The following SLC24A3 variants were observed in gnomAD, a reference collection of about 807,000 sequenced individuals.
SLC24A3 encodes solute carrier family 24 member 3.
SLC24A3 carries 28 observed loss-of-function variants against 75.8 expected under a neutral mutation model. That is an observed-to-expected ratio of 0.37 (90% CI 0.27 to 0.51). SLC24A3 has a LOEUF of 0.51. SLC24A3 is among the 20% of genes least tolerant of loss of function. The probability of loss-of-function intolerance (pLI) is 0.94; values close to 1 mark genes in which losing one functional copy is unlikely to be tolerated. For missense variants in SLC24A3, 663 were observed against 847.8 expected (o/e 0.78, Z 2.71); for synonymous variants, 372 against 334.1 (o/e 1.11, Z -1.24).
At chr20:19,503,471 CA>C (rs1271850429) in intron 2 of SLC24A3, among the ~76,000 whole-genome samples, 1 of 152,182 alleles carries the variant, frequency 6.6e-6, no homozygotes. Context: ...AAAAAATAAT[CA>C]AGTTCTAATC....
chr20:19,698,985 G>C (rs2032842462), intron 15 of SLC24A3, among the ~76,000 whole-genome samples: 1 of 152,156 alleles, frequency 6.6e-6, no homozygotes, highest in Non-Finnish European at 1.5e-5. Context: ...AACGGCCATA[G>C]ACAATAAATA....
At chr20:19,288,652 C>T (rs1983868498) in intron 2 of SLC24A3, among the ~76,000 whole-genome samples, 3 of 152,108 alleles carry the variant, frequency 2.0e-5, no homozygotes, top group Admixed American at 1.3e-4. Context: ...TGATGATGCC[C>T]AGTTGATAGA....
intron 1 of SLC24A3, among the ~76,000 whole-genome samples, chr20:19,224,914 A>C (rs1981833074): frequency 1.3e-5 from 2 of 152,206 alleles, no homozygotes; most frequent in Non-Finnish European, 2.9e-5. Context: ...AAATGCTGGA[A>C]TCTTTCTGGG....
intron 7 of SLC24A3, among the ~76,000 whole-genome samples, chr20:19,664,940 T>C (rs2032380083): frequency 6.6e-6 from 1 of 152,222 alleles, no homozygotes; most frequent in Non-Finnish European, 1.5e-5. Flanking sequence ...CTGCAGCAAA[T>C]GGAGCAAGCC....
intron 1 of SLC24A3, chr20:19,264,056 TA>T (rs369171233): frequency 0.027 from 3,315 of 121,736 alleles, 75 homozygotes; most frequent in African/African-American, 0.074. Flanking sequence ...ATCCCATCTC[TA>T]AAAAAAAAAA....
intron 2 of SLC24A3, among the ~76,000 whole-genome samples, chr20:19,369,838 AT>A (rs1027674426): frequency 1.3e-5 from 2 of 151,646 alleles, no homozygotes; most frequent in Non-Finnish European, 2.9e-5. Context: ...TCTTTTTAAA[AT>A]TTTTTTTTGT....
At chr20:19,526,811 G>T (rs2122570580) in intron 3 of SLC24A3, among the ~76,000 whole-genome samples, 1 of 152,282 alleles carries the variant, frequency 6.6e-6, no homozygotes, top group East Asian at 1.9e-4. Flanking sequence ...TCTAAAAAAT[G>T]TGGATAATGA....
At chr20:19,677,885 G>T (rs2032546207) in intron 9 of SLC24A3, among the ~76,000 whole-genome samples, 1 of 151,686 alleles carries the variant, frequency 6.6e-6, no homozygotes, top group Admixed American at 6.6e-5. Flanking sequence ...CTGGGTACTT[G>T]AGATTAGGGA....
In SLC24A3 at chr20:19,267,743, G is replaced by A. The variant is rs146519908; in HGVS notation, c.143-13216G>A. On this transcript the variant is annotated intron_variant, in intron 1 of 16. Transcript: ENST00000328041. ...ATTTTCAAAATGCTCTCTCCATAGA[G>A]CAAATTTCTTTAGAAAAGCTTACTC... 4.3e-4 allele frequency among the ~76,000 whole-genome samples: 66 copies of A among 152,216 alleles called. No homozygotes were observed. In the East Asian group the frequency reaches 0.012, roughly 27 times the overall value.
chr20:19,419,955 T>G (rs1986890274), intron 2 of SLC24A3, among the ~76,000 whole-genome samples: 1 of 111,126 alleles, frequency 9.0e-6, no homozygotes, highest in African/African-American at 3.6e-5. Context: ...ATTAGGTATA[T>G]CTCCCAATGC....
At chr20:19,437,754 T>C (rs1987231092) in intron 2 of SLC24A3, among the ~76,000 whole-genome samples, 1 of 152,164 alleles carries the variant, frequency 6.6e-6, no homozygotes, top group African/African-American at 2.4e-5. Flanking sequence ...TCAAGACAGC[T>C]GCTAGGGGTG....
intron 2 of SLC24A3, among the ~76,000 whole-genome samples, chr20:19,392,049 G>T (rs1389397209): frequency 6.6e-6 from 1 of 152,116 alleles, no homozygotes; most frequent in Non-Finnish European, 1.5e-5. Context: ...ATAGAGTCCT[G>T]CTGTTTGCCT....
chr20:19,608,223 C>G (rs2031623596), intron 6 of SLC24A3, among the ~76,000 whole-genome samples: 1 of 152,194 alleles, frequency 6.6e-6, no homozygotes, highest in South Asian at 2.1e-4. Context: ...TAATAGACTC[C>G]TAAACTTGTT....
intron 2 of SLC24A3, among the ~76,000 whole-genome samples, chr20:19,392,895 T>C (rs1986390603): frequency 6.6e-6 from 1 of 152,306 alleles, no homozygotes; most frequent in African/African-American, 2.4e-5. Flanking sequence ...TTTCCCTTCT[T>C]GCAAGGAAAG....
chr20:19,387,062 T>G (rs771592244), intron 2 of SLC24A3, among the ~76,000 whole-genome samples: 1 of 152,182 alleles, frequency 6.6e-6, no homozygotes, highest in South Asian at 2.1e-4. Flanking sequence ...TTCTTCATAA[T>G]TTAGTGTTGT....
chr20:19,462,585 C>T (rs1987697380), intron 2 of SLC24A3, among the ~76,000 whole-genome samples: 1 of 152,214 alleles, frequency 6.6e-6, no homozygotes, highest in Admixed American at 6.5e-5. Context: ...CTGGGATGAG[C>T]CTGGGAGAGG....
intron 2 of SLC24A3, among the ~76,000 whole-genome samples, chr20:19,372,394 A>T (rs1255562836): frequency 6.6e-6 from 1 of 152,198 alleles, no homozygotes; most frequent in African/African-American, 2.4e-5. Context: ...TGATGCTCTC[A>T]CTTAGCATCT....
chr20:19,572,407 C>A (rs140598064), intron 3 of SLC24A3, among the ~76,000 whole-genome samples: 1 of 152,270 alleles, frequency 6.6e-6, no homozygotes, highest in African/African-American at 2.4e-5. Context: ...ACATAATATT[C>A]TGGGCACCTG....
At chr20:19,228,888 G>A (rs1981941059) in intron 1 of SLC24A3, among the ~76,000 whole-genome samples, 1 of 152,048 alleles carries the variant, frequency 6.6e-6, no homozygotes, top group Non-Finnish European at 1.5e-5. Flanking sequence ...CCTTTGCCAG[G>A]TTTTGGTGTC....
Sources: allele counts gnomAD v4.1 joint callset (sites outside exome capture counted in the v4.1 genomes callset), GRCh38; gene constraint gnomAD v4.1.1; transcripts MANE v1.5; gene names NCBI Gene and HGNC (gene_info 2026-07-23, HGNC 2026-07-21).